Variants in TTC21B observed in about 807,000 individuals in gnomAD.
TTC21B encodes the protein tetratricopeptide repeat domain 21B.
A neutral mutation model predicts 175.1 loss-of-function variants in TTC21B; 127 were observed. That is an observed-to-expected ratio of 0.73 (90% CI 0.63 to 0.84). TTC21B has a LOEUF of 0.84. TTC21B is among the 40% of genes least tolerant of loss of function. TTC21B has a pLI of 0.00. For missense variants in TTC21B, 1,561 were observed against 1,558.3 expected (o/e 1.00, Z -0.03); for synonymous variants, 524 against 524.5 (o/e 1.00, Z 0.01).
intron 22 of TTC21B, among the ~76,000 whole-genome samples, chr2:165,897,486 G>A (rs114518258): frequency 1.7e-3 from 265 of 152,304 alleles, no homozygotes; most frequent in African/African-American, 6.2e-3. Flanking sequence ...CAGTCACTGA[G>A]GTGAGAGGTG....
In TTC21B at chr2:165,874,663, A is replaced by T. The variant is rs1345812835; in HGVS notation, c.*92T>A. ...AAAAAGGGTATACTTCTAATAACAA[A>T]GCACTGAGCTCAAACCTGTTTTGAA... On this transcript the variant is annotated 3_prime_UTR_variant, in exon 29 of 29. Transcript: ENST00000243344. 8.8e-7 allele frequency: 1 copy of T among 1,135,698 alleles called. No individual in the cohort carries two copies. The highest frequency in any genetic ancestry group is 1.3e-6 in the Non-Finnish European group (1 of 751,618). 70.4% of individuals were successfully genotyped at this position (1,135,698 alleles called of 1,614,324 possible). A position where few individuals can be genotyped will look rare whatever the true frequency, so the allele number is the denominator to read the frequency against.
At chr2:165,882,153 T>C (rs1209338580) in intron 26 of TTC21B, among the ~76,000 whole-genome samples, 1 of 152,184 alleles carries the variant, frequency 6.6e-6, no homozygotes, top group African/African-American at 2.4e-5. Flanking sequence ...ATTCTCCCTC[T>C]TTTTGTGATG....
intron 19 of TTC21B, among the ~76,000 whole-genome samples, chr2:165,905,063 C>T (rs1395973614): frequency 6.6e-6 from 1 of 152,048 alleles, no homozygotes; most frequent in Non-Finnish European, 1.5e-5. Flanking sequence ...GTGTCTGATA[C>T]TGAAATAAAA....
intron 11 of TTC21B, among the ~76,000 whole-genome samples, chr2:165,927,696 G>T (rs1166117385): frequency 3.3e-5 from 5 of 151,584 alleles, no homozygotes; most frequent in Non-Finnish European, 7.4e-5. Context: ...CAACTTCCAA[G>T]CAAGGGAAAA....
At chr2:165,908,975 C>A (rs1223257618) in intron 18 of TTC21B, among the ~76,000 whole-genome samples, 1 of 151,984 alleles carries the variant, frequency 6.6e-6, no homozygotes, top group Non-Finnish European at 1.5e-5. Context: ...AAAGCTAAAC[C>A]AAAAGATCAT....
rs976066457 is a variant in TTC21B at position 165,912,372 on chromosome 2, CT to C, written c.2322+141del. On this transcript the variant is annotated intron_variant, in intron 17 of 28. Coordinates refer to ENST00000243344, the MANE Select transcript of TTC21B (RefSeq NM_024753.5). ...AAGAATCTGATAAATCTAAGAAGGCCTTTAACACAAATCCCAGTTCATAAAT... is the reference window on the plus strand; with the variant it reads ...AAGAATCTGATAAATCTAAGAAGGCCTTAACACAAATCCCAGTTCATAAAT... 4.1e-5 allele frequency: 30 copies of C among 732,228 alleles called. No homozygotes were observed. In the African/African-American group the frequency reaches 5.2e-4, roughly 13 times the overall value. 45.4% of individuals were successfully genotyped at this position (732,228 alleles called of 1,614,324 possible).
chr2:165,878,892 G>C (rs548919485), intron 27 of TTC21B, among the ~76,000 whole-genome samples: 1 of 152,166 alleles, frequency 6.6e-6, no homozygotes, highest in South Asian at 2.1e-4. Flanking sequence ...ATGTTGGCCA[G>C]GCTAGTTTCG....
At chr2:165,952,055 G>A (rs1379293292) in intron 1 of TTC21B, among the ~76,000 whole-genome samples, 1 of 152,156 alleles carries the variant, frequency 6.6e-6, no homozygotes, top group Non-Finnish European at 1.5e-5. Context: ...GTTAGGAAGA[G>A]GAACTGCAAC....
In TTC21B at chr2:165,901,907, G is replaced by T; in HGVS notation, c.2572C>A (p.Arg858=). 1 of 1,612,168 alleles carries T rather than the reference G, an allele frequency of 6.2e-7. No individual in the cohort carries two copies. The highest frequency in any genetic ancestry group is 1.1e-5 in the South Asian group (1 of 90,992). The change falls in exon 20 of 29, where the codon CGA becomes AGA. Residue 858 remains arginine (R), a synonymous_variant. Coordinates refer to ENST00000243344, the MANE Select transcript of TTC21B (RefSeq NM_024753.5). The stretch of plus-strand genomic sequence containing the variant: ...TTTAGTACCCGAGCTTGTAATTCTC[G>T]AGCCTAGAAAAAATCAGTATAAAAG... The part of the protein sequence containing the change: ...GDAITALQQA[R]ELQARVLKRV...
intron 22 of TTC21B, among the ~76,000 whole-genome samples, chr2:165,895,761 T>C (rs1461343618): frequency 6.6e-6 from 1 of 151,954 alleles, no homozygotes; most frequent in Non-Finnish European, 1.5e-5. Flanking sequence ...GGTGAGATGG[T>C]CAAGTAGTTC....
rs771967055 is a variant in TTC21B at position 165,880,836 on chromosome 2, G to C, written c.3685-37C>G. The C allele has an allele frequency of 4.5e-5, 72 of 1,602,196 alleles. 1 individual carries two copies. In the South Asian group the frequency reaches 7.7e-4, roughly 17 times the overall value. ...TGGGAGACATCAATAGATTAAACTT[G>C]ATATCACTAAGATTTTATGGGATGT... On this transcript the variant is annotated intron_variant, in intron 26 of 28. Coordinates refer to ENST00000243344, the MANE Select transcript of TTC21B (RefSeq NM_024753.5).
At chr2:165,916,146 C>T (rs954160554) in intron 14 of TTC21B, among the ~76,000 whole-genome samples, 11 of 152,076 alleles carry the variant, frequency 7.2e-5, no homozygotes, top group Non-Finnish European at 1.3e-4. Context: ...TGGGCATGGC[C>T]CAGCTACTTG....
chr2:165,886,091 C>T (rs781261729), intron 25 of TTC21B, among the ~76,000 whole-genome samples: 1 of 152,144 alleles, frequency 6.6e-6, no homozygotes, highest in African/African-American at 2.4e-5. Context: ...TGTGAACATA[C>T]CCTATGTTTT....
intron 22 of TTC21B, among the ~76,000 whole-genome samples, chr2:165,891,550 C>A (rs116480318): frequency 0.018 from 2,665 of 151,712 alleles, 90 homozygotes; most frequent in African/African-American, 0.061. Flanking sequence ...ATATTTTAAT[C>A]CTGTTTCACC....
At chr2:165,928,499 A>G (rs1353320034) in intron 11 of TTC21B, among the ~76,000 whole-genome samples, 2 of 152,114 alleles carry the variant, frequency 1.3e-5, no homozygotes, top group Non-Finnish European at 2.9e-5. Context: ...AAAATAAAGA[A>G]TATCATCAGA....
intron 3 of TTC21B, chr2:165,948,309 G>C (rs1687650601): frequency 6.6e-6 from 1 of 151,976 alleles, no homozygotes; most frequent in African/African-American, 2.4e-5. Flanking sequence ...TTTAATCTTT[G>C]TGTTTTTTAC....
At chr2:165,883,108 G>T (rs1684888778) in intron 26 of TTC21B, among the ~76,000 whole-genome samples, 1 of 152,040 alleles carries the variant, frequency 6.6e-6, no homozygotes, top group Non-Finnish European at 1.5e-5. Context: ...GATTTACTGT[G>T]ATTAAGATTT....
In TTC21B at chr2:165,952,975, T is replaced by A. The variant is rs553962756; in HGVS notation, c.21+710A>T. 3.3e-5 allele frequency among the ~76,000 whole-genome samples: 5 copies of A among 152,344 alleles called. No individual in the cohort carries two copies. The South Asian group carries it at 6.2e-4, about 19-fold the overall frequency. On this transcript the variant is annotated intron_variant, in intron 1 of 28. Transcript: ENST00000243344. ...GGTTTTTCCCCAGCATTAATTAGCC[T>A]GTAAAATCTGAGAAGGCAGAAACTG...
At chr2:165,909,943 T>A (rs913161869) in intron 18 of TTC21B, among the ~76,000 whole-genome samples, 6 of 152,188 alleles carry the variant, frequency 3.9e-5, no homozygotes, top group African/African-American at 1.2e-4. Flanking sequence ...GTAGGTATAA[T>A]AATTGTGTAT....
Sources: gnomAD v4.1 joint callset for allele counts (sites outside exome capture counted in the v4.1 genomes callset) on GRCh38, gnomAD v4.1.1 for gene constraint, MANE v1.5 for transcripts, NCBI Gene and HGNC (gene_info 2026-07-23, HGNC 2026-07-21) for gene names.